CREBRF: variants seen among roughly 807,000 people sequenced by gnomAD.
CREBRF encodes the protein CREB3 regulatory factor.
In CREBRF, 5 loss-of-function variants were observed where a neutral mutation model predicts 66.1. The ratio of observed to expected loss-of-function variants is 0.08; its 90% CI spans 0.04 to 0.16. The LOEUF (loss-of-function observed/expected upper bound fraction) is 0.16, where lower values mean the gene tolerates loss of function less well. Ranked by LOEUF, CREBRF falls within the 10% of genes least tolerant of loss-of-function variation. CREBRF has a pLI of 1.00. For missense variants in CREBRF, 531 were observed against 744.9 expected (o/e 0.71, Z 3.34); for synonymous variants, 229 against 264.4 (o/e 0.87, Z 1.30).
chr5:173,123,374 G>A (rs1273586733), intron 8 of CREBRF, 172 bp downstream of exon 8: 5 of 546,152 alleles, frequency 9.2e-6, no homozygotes, highest in Non-Finnish European at 1.5e-5. Context: ...ATAAACATGT[G>A]TTGCAGGTGA....
At chr5:173,062,778 T>TG (rs1757314307) in intron 1 of CREBRF, among the ~76,000 whole-genome samples, 5 of 148,530 alleles carry the variant, frequency 3.4e-5, no homozygotes, top group Admixed American at 2.7e-4. Context: ...GACGGAGTCT[T>TG]GCTCTGTCGC....
chr5:173,126,041 T>A lies in CREBRF; in HGVS notation c.1804+2839T>A, dbSNP rs7713309. Among the ~76,000 whole-genome samples the A allele has an allele frequency of 5.8e-3, 886 of 152,236 alleles. 7 individuals are homozygous for A. The highest frequency in any genetic ancestry group is 0.027 in the Middle Eastern group (8 of 294). ...AAAACAAAAAAATGGCACCTGTCTT[T>A]CTGAGATTTCTTGTTCTGCTTCCCT... On this transcript the variant is annotated intron_variant, in intron 8 of 8. Coordinates refer to ENST00000296953, the MANE Select transcript of CREBRF (RefSeq NM_153607.3).
intron 2 of CREBRF, among the ~76,000 whole-genome samples, chr5:173,082,945 A>C (rs1033731094): frequency 5.6e-4 from 69 of 122,746 alleles, no homozygotes; most frequent in Admixed American, 2.8e-3. Flanking sequence ...AAAAAAAAAA[A>C]ACCGGGTGCA....
Position 173,127,168 on chromosome 5 carries a change from T to C in CREBRF, c.1804+3966T>C, listed in dbSNP as rs1049379183. Among the ~76,000 whole-genome samples the C allele has an allele frequency of 2.4e-3, 350 of 148,804 alleles. 1 individual carries two copies. Among genetic ancestry groups the C allele is most frequent in the Middle Eastern group, 7.0e-3 (2 of 284 alleles). On this transcript the variant is annotated intron_variant, in intron 8 of 8. Transcript: ENST00000296953. Reference sequence around the variant, plus strand: ...TGGGTTGGAGTTTCTTTTTCTTTTTTTTTTTTTTTTTTTTGAGACAGTCTC... The same window carrying C: ...TGGGTTGGAGTTTCTTTTTCTTTTTCTTTTTTTTTTTTTTGAGACAGTCTC...
chr5:173,125,895 A>C (rs1041047650), intron 8 of CREBRF, among the ~76,000 whole-genome samples: 10 of 151,946 alleles, frequency 6.6e-5, no homozygotes, highest in African/African-American at 2.2e-4. Context: ...AAAACATGGC[A>C]CGCCAGGTTT....
intron 1 of CREBRF, among the ~76,000 whole-genome samples, chr5:173,061,010 C>T (rs533944521): frequency 1.3e-5 from 2 of 152,158 alleles, no homozygotes; most frequent in African/African-American, 2.4e-5. Flanking sequence ...TTCTGTCCCC[C>T]CTGCTGGAGT....
chr5:173,098,250 C>T (rs1758527798), intron 4 of CREBRF, among the ~76,000 whole-genome samples: 1 of 151,162 alleles, frequency 6.6e-6, no homozygotes, highest in Non-Finnish European at 1.5e-5. Context: ...CGCAGTGGCG[C>T]AATCTCTGCT....
intron 7 of CREBRF, 81 bp downstream of exon 7, chr5:173,112,460 C>A: frequency 9.8e-7 from 1 of 1,023,490 alleles, no homozygotes; most frequent in Non-Finnish European, 1.5e-6. Flanking sequence ...TTGTGATTTG[C>A]TTTCGCTGTA....
intron 4 of CREBRF, among the ~76,000 whole-genome samples, chr5:173,094,611 C>T (rs1011450350): frequency 1.3e-5 from 2 of 152,130 alleles, no homozygotes; most frequent in Non-Finnish European, 1.5e-5. Context: ...AGGTCCTTTG[C>T]CCATTTTTTA....
chr5:173,112,441 T>C, intron 7 of CREBRF, 62 bp downstream of exon 7: 3 of 1,185,498 alleles, frequency 2.5e-6, no homozygotes, highest in East Asian at 2.5e-5. Flanking sequence ...ACTCTCTCTT[T>C]TCTTTGGTTT....
At chr5:173,063,868 C>A (rs1467617272) in intron 1 of CREBRF, among the ~76,000 whole-genome samples, 1 of 151,310 alleles carries the variant, frequency 6.6e-6, no homozygotes, top group Non-Finnish European at 1.5e-5. Flanking sequence ...ACTACAGGCA[C>A]CTGCCACCAT....
intron 4 of CREBRF, among the ~76,000 whole-genome samples, chr5:173,096,355 C>T (rs1227966485): frequency 6.6e-6 from 1 of 151,746 alleles, no homozygotes; most frequent in Non-Finnish European, 1.5e-5. Context: ...GATGCCTTTC[C>T]TTCTTTGTTT....
At chr5:173,097,334 C>T (rs114883778) in intron 4 of CREBRF, among the ~76,000 whole-genome samples, 93 of 152,248 alleles carry the variant, frequency 6.1e-4, no homozygotes, top group African/African-American at 2.2e-3. Context: ...CAATTTTCGC[C>T]TCCAGGGTTA....
At chr5:173,109,463 G>A (rs565751290) in intron 5 of CREBRF, 1 of 152,236 alleles carries the variant, frequency 6.6e-6, no homozygotes, top group South Asian at 2.1e-4. Context: ...GCGATAGAGT[G>A]AGATCCTGTC....
At chr5:173,072,115 T>C (rs1196589283) in intron 1 of CREBRF, among the ~76,000 whole-genome samples, 2 of 150,826 alleles carry the variant, frequency 1.3e-5, no homozygotes, top group Non-Finnish European at 3.0e-5. Context: ...AAATTTTTCC[T>C]TTTTTTTTAA....
intron 2 of CREBRF, 76 bp downstream of exon 2, chr5:173,080,860 A>G (rs1757919882): frequency 7.2e-7 from 1 of 1,391,378 alleles, no homozygotes; most frequent in Non-Finnish European, 1.0e-6. Context: ...TCTTAAATGA[A>G]TCTTAACACA....
In CREBRF at chr5:173,064,563, T is replaced by A. The variant is rs899575599; in HGVS notation, c.-192+8084T>A. 9.9e-5 allele frequency among the ~76,000 whole-genome samples: 14 copies of A among 142,080 alleles called. No homozygotes were observed. The South Asian group carries it at 3.1e-3, about 32-fold the overall frequency. The allele number at this position is 142,080 out of a possible 152,430, so 93.2% of individuals were successfully genotyped here. On this transcript the variant is annotated intron_variant, in intron 1 of 8. Transcript: ENST00000296953. Reference sequence around the variant, plus strand: ...GCGCACCACCACACCTGGTTAATTTTTTTTTTTTTTTTTTTTTTTTGAGAC... The same window carrying A: ...GCGCACCACCACACCTGGTTAATTTATTTTTTTTTTTTTTTTTTTTGAGAC...
chr5:173,106,910 C>T (rs7723540), intron 4 of CREBRF, among the ~76,000 whole-genome samples: 134 of 152,110 alleles, frequency 8.8e-4, no homozygotes, highest in African/African-American at 3.0e-3. Context: ...CCACCATGCC[C>T]GGCTAATTTT....
chr5:173,121,577 C>T (rs549790251), intron 7 of CREBRF, among the ~76,000 whole-genome samples: 14 of 152,226 alleles, frequency 9.2e-5, no homozygotes, highest in Non-Finnish European at 2.1e-4. Flanking sequence ...CCGCCTTGGC[C>T]TCCCAAAGTG....
Sources: gnomAD v4.1 joint callset for allele counts (sites outside exome capture counted in the v4.1 genomes callset) on GRCh38, gnomAD v4.1.1 for gene constraint, MANE v1.5 for transcripts, NCBI Gene and HGNC (gene_info 2026-07-23, HGNC 2026-07-21) for gene names.